Variants in NRF1 observed in about 807,000 individuals in gnomAD.
The protein encoded by NRF1 is alpha palindromic-binding protein.
In NRF1, 5 loss-of-function variants were observed where a neutral mutation model predicts 58.5. The ratio of observed to expected loss-of-function variants is 0.09; its 90% confidence interval spans 0.04 to 0.18. The LOEUF (loss-of-function observed/expected upper bound fraction) is 0.18, where lower values mean the gene tolerates loss of function less well. Among genes scored for constraint, NRF1 ranks in the 10% least tolerant of loss-of-function variants. The pLI, the probability that NRF1 is intolerant of heterozygous loss-of-function variation, is 1.00. For synonymous variants in NRF1, 224 were observed against 246.7 expected (o/e 0.91, Z 0.86); for missense variants, 288 against 657.7 (o/e 0.44, Z 6.15).
chr7:129,662,577 C>T (rs1280350220), intron 2 of NRF1, among the ~76,000 whole-genome samples: 1 of 151,866 alleles, frequency 6.6e-6, no homozygotes, highest in East Asian at 1.9e-4. Context: ...TCTTGGTGTA[C>T]TATTATATTT....
At chr7:129,738,792 G>A (rs1038748874) in intron 10 of NRF1, among the ~76,000 whole-genome samples, 1 of 152,100 alleles carries the variant, frequency 6.6e-6, no homozygotes, top group Non-Finnish European at 1.5e-5. Flanking sequence ...CTAAAACCGG[G>A]ACTTGCCCAG....
chr7:129,635,196 A>G (rs997956074), intron 1 of NRF1, among the ~76,000 whole-genome samples: 1 of 152,230 alleles, frequency 6.6e-6, no homozygotes, highest in African/African-American at 2.4e-5. Flanking sequence ...TATATAGAAT[A>G]TAATCTTCAG....
At chr7:129,638,502 G>T (rs1356604443) in intron 1 of NRF1, among the ~76,000 whole-genome samples, 2 of 152,178 alleles carry the variant, frequency 1.3e-5, no homozygotes, top group African/African-American at 4.8e-5. Context: ...GCTGATAAAT[G>T]TGGGTATGGT....
chr7:129,745,427 A>G (rs1304635170), intron 10 of NRF1, among the ~76,000 whole-genome samples: 2 of 152,092 alleles, frequency 1.3e-5, no homozygotes, highest in Non-Finnish European at 2.9e-5. Context: ...CAGCGGCATC[A>G]GATTCTCATA....
chr7:129,739,541 T>TAAA (rs56277880), intron 10 of NRF1, among the ~76,000 whole-genome samples: 1 of 144,954 alleles, frequency 6.9e-6, no homozygotes, highest in Non-Finnish European at 1.5e-5. Context: ...GCTTTGCTTT[T>TAAA]AAAAAAAAAA....
chr7:129,703,806 C>G (rs1257052566), intron 5 of NRF1, among the ~76,000 whole-genome samples: 3 of 152,054 alleles, frequency 2.0e-5, no homozygotes, highest in African/African-American at 7.2e-5. Context: ...CAGTCTGGTT[C>G]CATTTTTTGA....
At chr7:129,682,529 A>G (rs950799242) in intron 4 of NRF1, among the ~76,000 whole-genome samples, 7 of 151,810 alleles carry the variant, frequency 4.6e-5, no homozygotes, top group African/African-American at 1.7e-4. Context: ...TGCCAGATCA[A>G]CAAAGCAAAA....
chr7:129,656,825 C>T (rs1562961524), intron 1 of NRF1, among the ~76,000 whole-genome samples: 2 of 152,162 alleles, frequency 1.3e-5, no homozygotes, highest in Admixed American at 1.3e-4. Context: ...GATCCACCTG[C>T]CTGGGCCTCC....
chr7:129,633,031 A>T (rs937332977), intron 1 of NRF1, among the ~76,000 whole-genome samples: 6 of 152,182 alleles, frequency 3.9e-5, no homozygotes, highest in African/African-American at 1.4e-4. Context: ...TCCCATTTTA[A>T]TTGATTCTTA....
At chr7:129,736,610 A>T (rs1256182092) in intron 10 of NRF1, among the ~76,000 whole-genome samples, 2 of 146,776 alleles carry the variant, frequency 1.4e-5, no homozygotes, top group African/African-American at 2.5e-5. Flanking sequence ...AGGTATTTGT[A>T]TTTTTTTTTG....
intron 5 of NRF1, among the ~76,000 whole-genome samples, chr7:129,695,435 G>C (rs749407349): frequency 6.6e-6 from 1 of 152,010 alleles, no homozygotes; most frequent in Non-Finnish European, 1.5e-5. Context: ...AAATCAGCCA[G>C]GTGTGGTGGC....
intron 10 of NRF1, among the ~76,000 whole-genome samples, chr7:129,747,660 A>G (rs1211856253): frequency 6.6e-6 from 1 of 152,226 alleles, no homozygotes; most frequent in East Asian, 1.9e-4. Flanking sequence ...ATATGAGGAA[A>G]CAGGCTCACA....
chr7:129,639,562 G>A (rs1163317858), intron 1 of NRF1, among the ~76,000 whole-genome samples: 1 of 68,878 alleles, frequency 1.5e-5, no homozygotes, highest in African/African-American at 5.7e-5. Context: ...TTTTTTTTTT[G>A]CGAGATGGAG....
intron 10 of NRF1, among the ~76,000 whole-genome samples, chr7:129,737,918 T>TA (rs536488244): frequency 1.4e-3 from 214 of 152,308 alleles, no homozygotes; most frequent in African/African-American, 5.0e-3. Flanking sequence ...AGGCAGCCCC[T>TA]AAGCAACTGT....
intron 2 of NRF1, among the ~76,000 whole-genome samples, chr7:129,666,742 G>A (rs1801932545): frequency 6.6e-6 from 1 of 152,130 alleles, no homozygotes. Flanking sequence ...TGTTGGCCAG[G>A]CTGGTCTCGA....
intron 10 of NRF1, among the ~76,000 whole-genome samples, chr7:129,734,721 T>A (rs1480506042): frequency 2.0e-5 from 3 of 152,170 alleles, no homozygotes; most frequent in African/African-American, 2.4e-5. Context: ...GTGAGCAGAG[T>A]ACTTTGCAAT....
At chr7:129,644,370 C>T (rs1302834524) in intron 1 of NRF1, among the ~76,000 whole-genome samples, 1 of 140,152 alleles carries the variant, frequency 7.1e-6, no homozygotes, top group East Asian at 2.1e-4. Flanking sequence ...TTATTTCTGT[C>T]TCTATAGTGC....
intron 3 of NRF1, among the ~76,000 whole-genome samples, chr7:129,677,326 C>G (rs1027253889): frequency 1.3e-4 from 19 of 151,978 alleles, no homozygotes; most frequent in Admixed American, 5.3e-4. Flanking sequence ...CAGTTGTAAT[C>G]TTTATAATTG....
rs139077098 is a variant in NRF1 at position 129,695,709 on chromosome 7, T to C, written c.606+5163T>C. Among the ~76,000 whole-genome samples, 330 of 149,538 alleles carry C rather than the reference T, an allele frequency of 2.2e-3. 1 individual carries two copies. Among genetic ancestry groups the C allele is most frequent in the African/African-American group, 7.1e-3 (289 of 40,914 alleles). Reference sequence around the variant, plus strand: ...TTTTAATCTGGGAACACAGAATTGATCTGATTTATCTCATTTTCTAAAACA... The same window carrying C: ...TTTTAATCTGGGAACACAGAATTGACCTGATTTATCTCATTTTCTAAAACA... On this transcript the variant is annotated intron_variant, in intron 5 of 10. Coordinates refer to ENST00000393232, the MANE Select transcript of NRF1 (RefSeq NM_005011.5).
Sources: gnomAD v4.1 joint callset for allele counts (sites outside exome capture counted in the v4.1 genomes callset) on GRCh38, gnomAD v4.1.1 for gene constraint, MANE v1.5 for transcripts, NCBI Gene and HGNC (gene_info 2026-07-23, HGNC 2026-07-21) for gene names.